The following DCHS2 variants were observed in gnomAD, a reference collection of about 807,000 sequenced individuals.
DCHS2 encodes dachsous cadherin-related 2, also known as protocadherin-23.
A neutral mutation model predicts 182.4 loss-of-function variants in DCHS2; 142 were observed. The observed-to-expected ratio is 0.78, with a 90% CI of 0.68 to 0.89. The LOEUF is 0.89. DCHS2 is among the 40% of genes least tolerant of loss of function. The pLI, the probability that DCHS2 is intolerant of heterozygous loss-of-function variation, is 0.00. For missense variants in DCHS2, 4,319 were observed against 4,198.6 expected, an observed-to-expected ratio of 1.03 and a Z score of -0.79; for synonymous variants, 1,740 against 1,663.3, an observed-to-expected ratio of 1.05 and a Z score of -1.12.
rs781014507 is a variant in DCHS2, at chr4:154,236,544, T to G, written c.8108A>C (p.Asn2703Thr). The G allele has an allele frequency of 3.1e-6, 5 of 1,614,042 alleles. No homozygotes were observed. In the Admixed American group the frequency reaches 8.3e-5, roughly 27 times the overall value. Residue 2703 changes from asparagine to threonine, a missense_variant, in exon 20 of 20, where the codon AAC (asparagine) becomes ACC (threonine). Coordinates refer to ENST00000357232, the MANE Select transcript of DCHS2 (RefSeq NM_001358235.2). Reference sequence around the variant, plus strand: ...TCCCTTCTCATTTCCAGAGATGATGTTGTAGATGATTTCTGCATGTGACCC... The same window carrying G: ...TCCCTTCTCATTTCCAGAGATGATGGTGTAGATGATTTCTGCATGTGACCC... Reference protein sequence around the residue: ...DTGSHAEIIYNIISGNEKGHF... With the variant: ...DTGSHAEIIYTIISGNEKGHF...
Position 154,233,600 on chromosome 4 carries a change from AAATT to A in DCHS2, c.*932_*935del, listed in dbSNP as rs1289851466. ...TTTTAAAAACTGACATTGAGTGGATAAATTATTTCACACAAAAAAGTTACTGTAT... is the reference window on the plus strand; with the variant it reads ...TTTTAAAAACTGACATTGAGTGGATAATTTCACACAAAAAAGTTACTGTAT... On this transcript the variant is annotated 3_prime_UTR_variant, in exon 20 of 20. Transcript: ENST00000357232. The A allele has an allele frequency of 3.5e-4, 53 of 152,216 alleles. No individual in the cohort carries two copies. The highest frequency in any genetic ancestry group is 1.3e-3 in the African/African-American group (53 of 41,474). The allele number at this position is 152,216 out of a possible 1,614,324, so 9.4% of individuals were successfully genotyped here.
At position 154,332,055 on chromosome 4, in the gene DCHS2, T is replaced by C. The variant is rs1295400283; in HGVS notation, c.3730+423A>G. On this transcript the variant is annotated intron_variant, in intron 5 of 19. Transcript: ENST00000357232. ...TGTCTAGCTTTACATTGATGATATT[T>C]ATATTTCACAAAATACGTTTTGACG... 3.3e-5 allele frequency among the ~76,000 whole-genome samples: 5 copies of C among 152,328 alleles called. No homozygotes were observed. In the East Asian group the frequency reaches 9.6e-4, roughly 29 times the overall value.
chr4:154,353,546 A>G (rs1374884680), intron 3 of DCHS2, among the ~76,000 whole-genome samples: 1 of 152,198 alleles, frequency 6.6e-6, no homozygotes, highest in Non-Finnish European at 1.5e-5. Flanking sequence ...CTCCACCCTC[A>G]TTGTTCCCTG....
At chr4:154,262,387 A>G (rs1310896433) in intron 14 of DCHS2, among the ~76,000 whole-genome samples, 2 of 152,248 alleles carry the variant, frequency 1.3e-5, no homozygotes, top group Non-Finnish European at 2.9e-5. Flanking sequence ...TCACAAAGAC[A>G]TCAAGCGTGT....
chr4:154,321,211 T>TC lies in DCHS2; in HGVS notation c.4187_4188insG (p.Ser1397IlefsTer12). The TC allele has an allele frequency of 6.6e-7, 1 of 1,526,066 alleles. No individual in the cohort carries two copies. Among genetic ancestry groups the TC allele is most frequent in the Non-Finnish European group, 8.8e-7 (1 of 1,136,604 alleles). The allele number at this position is 1,526,066 out of a possible 1,614,324, so 94.5% of individuals were successfully genotyped here. On this transcript the variant is annotated frameshift_variant, in exon 9 of 20. Transcript: ENST00000357232. LOFTEE classifies it high-confidence loss of function. ...GAGACATGATTGCTCTCCCTTTGGA[T>TC]AGTGGGATCACCTGAAATACGAATA...
Position 154,315,939 on chromosome 4 carries a change from T to C in DCHS2, c.5069A>G (p.His1690Arg). 1 of 1,614,080 alleles carries C rather than the reference T, an allele frequency of 6.2e-7. No individual in the cohort carries two copies. Among genetic ancestry groups the C allele is most frequent in the Non-Finnish European group, 8.5e-7 (1 of 1,179,986 alleles). Residue 1690 changes from histidine (H) to arginine (R), a missense_variant, in exon 10 of 20, where the codon CAT (histidine) becomes CGT (arginine). Physicochemically the swap from His to Arg is conservative, Grantham distance 29. Coordinates refer to ENST00000357232, the MANE Select transcript of DCHS2 (RefSeq NM_001358235.2). ...ATCCAGTGCCAGAACAGTCAGAATA[T>C]GCTGAGTTTTCATTTCATAATCCAA... ...CPLDYEMKTQ[H>R]ILTVLALDDG...
chr4:154,462,511 C>G (rs1487029483), intron 1 of DCHS2, among the ~76,000 whole-genome samples: 1 of 152,146 alleles, frequency 6.6e-6, no homozygotes, highest in African/African-American at 2.4e-5. Flanking sequence ...TGAATGTTGA[C>G]TCTATGCACA....
Position 154,259,633 on chromosome 4 carries a change from T to C in DCHS2, c.6701A>G (p.Asp2234Gly), listed in dbSNP as rs1291039434. 9.9e-6 allele frequency: 16 copies of C among 1,613,956 alleles called. No individual in the cohort carries two copies. The South Asian group carries it at 1.4e-4, about 14-fold the overall frequency. ...AYCKVAVLIQDENDNSPCFEQ... is the reference protein window; with the variant it reads ...AYCKVAVLIQGENDNSPCFEQ... ...AAAGCATGGTGAATTATCATTCTCA[T>C]CCTGTATCAAGACTGCTACTTTGCA... The change falls in exon 15 of 20, where the codon GAT (aspartate) becomes GGT (glycine). Residue 2234 changes from aspartate (D) to glycine (G), a missense_variant. Asp to Gly is a moderately conservative substitution (Grantham distance 94). Coordinates refer to ENST00000357232, the MANE Select transcript of DCHS2 (RefSeq NM_001358235.2).
At chr4:154,365,450 C>A (rs747604328) in intron 3 of DCHS2, among the ~76,000 whole-genome samples, 7 of 152,014 alleles carry the variant, frequency 4.6e-5, no homozygotes, top group Non-Finnish European at 1.0e-4. Flanking sequence ...AACTTTGCAA[C>A]ATAGATATTA....
chr4:154,374,171 G>A, intron 2 of DCHS2: 1 of 506,164 alleles, frequency 2.0e-6, no homozygotes, highest in Middle Eastern at 4.5e-4. Context: ...GCATTTGCAG[G>A]GGAGCTTGCT....
intron 19 of DCHS2, 150 bp downstream of exon 19, chr4:154,239,020 C>A: frequency 9.4e-7 from 1 of 1,061,972 alleles, no homozygotes; most frequent in Non-Finnish European, 1.3e-6. Context: ...CGCAGCACTT[C>A]ATGTGAAGAG....
chr4:154,373,306 A>C (rs1730728732), intron 2 of DCHS2, among the ~76,000 whole-genome samples: 1 of 152,208 alleles, frequency 6.6e-6, no homozygotes, highest in African/African-American at 2.4e-5. Context: ...TGCAAAGAAT[A>C]ATTATGATAG....
intron 4 of DCHS2, 110 bp downstream of exon 4, chr4:154,334,758 T>C (rs1011670733): frequency 2.4e-6 from 2 of 843,848 alleles, no homozygotes; most frequent in Non-Finnish European, 3.8e-6. Context: ...CTCCCTTGTT[T>C]TGACTTGCGT....
At chr4:154,399,997 C>T (rs974218473) in intron 1 of DCHS2, among the ~76,000 whole-genome samples, 3 of 152,030 alleles carry the variant, frequency 2.0e-5, no homozygotes, top group African/African-American at 7.2e-5. Flanking sequence ...GTAAGATTTT[C>T]CTTTAAAAGT....
intron 1 of DCHS2, among the ~76,000 whole-genome samples, chr4:154,417,507 C>T (rs1477979171): frequency 6.6e-6 from 1 of 152,144 alleles, no homozygotes; most frequent in African/African-American, 2.4e-5. Context: ...TTTTTGACCT[C>T]ACACGAGAAA....
intron 1 of DCHS2, among the ~76,000 whole-genome samples, chr4:154,475,652 A>G (rs1397926277): frequency 6.6e-6 from 1 of 152,208 alleles, no homozygotes; most frequent in Non-Finnish European, 1.5e-5. Flanking sequence ...ACCTTTATGT[A>G]GTAAATATTT....
At position 154,320,802 on chromosome 4, in the gene DCHS2, T is replaced by G; in HGVS notation, c.4597A>C (p.Asn1533His). The G allele has an allele frequency of 1.9e-6, 3 of 1,614,112 alleles. No individual in the cohort carries two copies. Among genetic ancestry groups the G allele is most frequent in the Non-Finnish European group, 2.5e-6 (3 of 1,180,016 alleles). The change falls in exon 9 of 20, where the codon AAT (asparagine) becomes CAT (histidine). Residue 1533 changes from asparagine (N) to histidine (H), a missense_variant. By Grantham distance (68) the Asn-to-His change is moderately conservative. Coordinates refer to ENST00000357232, the MANE Select transcript of DCHS2 (RefSeq NM_001358235.2). The part of the protein sequence containing the change: ...VPIGTLVYVF[N>H]AKDDDGSFLN... ...AAACTGCCGTCATCATCTTTGGCAT[T>G]GAAGACATACACCAGGGTTCCTATG...
At chr4:154,302,809 A>G (rs946507785) in intron 12 of DCHS2, among the ~76,000 whole-genome samples, 18 of 120,472 alleles carry the variant, frequency 1.5e-4, no homozygotes, top group African/African-American at 5.0e-4. Context: ...ATACTTATAT[A>G]TATTTCATAT....
intron 2 of DCHS2, among the ~76,000 whole-genome samples, chr4:154,369,987 T>G (rs895551655): frequency 6.6e-6 from 1 of 152,200 alleles, no homozygotes; most frequent in Non-Finnish European, 1.5e-5. Context: ...GTTCTTGCCT[T>G]CTGGGACTCC....
Sources: gnomAD v4.1 joint callset for allele counts (sites outside exome capture counted in the v4.1 genomes callset) on GRCh38, gnomAD v4.1.1 for gene constraint, MANE v1.5 for transcripts, NCBI Gene and HGNC (gene_info 2026-07-23, HGNC 2026-07-21) for gene names.